Variants in TSPAN9 observed in about 807,000 individuals in gnomAD.
The protein encoded by TSPAN9 is tetraspanin 9.
A neutral mutation model predicts 31.0 loss-of-function variants in TSPAN9; 16 were observed. The observed-to-expected ratio is 0.52, with a 90% CI of 0.35 to 0.78. TSPAN9 has a LOEUF of 0.78. TSPAN9 is among the 30% of genes least tolerant of loss of function. The pLI, the probability that TSPAN9 is intolerant of heterozygous loss-of-function variation, is 0.01. For synonymous variants in TSPAN9, 145 were observed against 121.6 expected (o/e 1.19, Z -1.27); for missense variants, 272 against 312.5 (o/e 0.87, Z 0.98).
chr12:3,117,404 G>T (rs1233580765), intron 2 of TSPAN9, among the ~76,000 whole-genome samples: 1 of 152,190 alleles, frequency 6.6e-6, no homozygotes, highest in Admixed American at 6.5e-5. Flanking sequence ...AACAGAACAA[G>T]GGGAGGGGAG....
intron 2 of TSPAN9, among the ~76,000 whole-genome samples, chr12:3,130,036 A>G (rs10744594): frequency 0.81 from 123,503 of 152,182 alleles, 50,280 homozygotes; most frequent in East Asian, 0.87. Context: ...TGTGTGGGAC[A>G]AACTTGGCAA....
intron 3 of TSPAN9, among the ~76,000 whole-genome samples, chr12:3,219,618 G>A (rs187174877): frequency 6.6e-6 from 1 of 152,138 alleles, no homozygotes; most frequent in African/African-American, 2.4e-5. Context: ...TGAGAATATA[G>A]ATGAGTAGAG....
Position 3,283,180 on chromosome 12 carries a change from G to A in TSPAN9, c.*64G>A, listed in dbSNP as rs1862933316. ...TGTGGAGGGAAGAGGATTGAGCTTTGTGTCACCTGCCTGCGCTCTCCAGAT... is the reference window on the plus strand; with the variant it reads ...TGTGGAGGGAAGAGGATTGAGCTTTATGTCACCTGCCTGCGCTCTCCAGAT... On this transcript the variant is annotated 3_prime_UTR_variant, in exon 9 of 9. Coordinates refer to ENST00000011898, the MANE Select transcript of TSPAN9 (RefSeq NM_006675.5). The A allele has an allele frequency of 3.2e-6, 5 of 1,564,646 alleles. No individual in the cohort carries two copies. Among genetic ancestry groups the A allele is most frequent in the Non-Finnish European group, 4.4e-6 (5 of 1,149,174 alleles).
At chr12:3,127,856 G>T (rs1233529164) in intron 2 of TSPAN9, among the ~76,000 whole-genome samples, 10 of 152,238 alleles carry the variant, frequency 6.6e-5, no homozygotes, top group African/African-American at 1.9e-4. Context: ...GAACTCCTGG[G>T]CTCAAGTGAT....
At chr12:3,142,686 G>A (rs912501679) in intron 2 of TSPAN9, among the ~76,000 whole-genome samples, 5 of 152,256 alleles carry the variant, frequency 3.3e-5, no homozygotes, top group Admixed American at 1.3e-4. Flanking sequence ...CCCTGCCCCC[G>A]GGTGCCTGCG....
intron 1 of TSPAN9, among the ~76,000 whole-genome samples, chr12:3,080,421 C>T (rs555400475): frequency 1.6e-4 from 25 of 152,066 alleles, no homozygotes; most frequent in Non-Finnish European, 2.8e-4. Context: ...CTGCAACCTC[C>T]GCCTCCCGGG....
intron 3 of TSPAN9, among the ~76,000 whole-genome samples, chr12:3,216,852 C>A (rs962913867): frequency 1.3e-5 from 2 of 152,230 alleles, no homozygotes; most frequent in Non-Finnish European, 2.9e-5. Context: ...AGCCTTCAGA[C>A]ACAGATCCCC....
chr12:3,216,321 G>A (rs2153974448), intron 3 of TSPAN9, among the ~76,000 whole-genome samples: 1 of 152,320 alleles, frequency 6.6e-6, no homozygotes, highest in South Asian at 2.1e-4. Context: ...GTGGGAGTAG[G>A]TTTTGGAGGT....
At chr12:3,171,125 C>T (rs1349480853) in intron 2 of TSPAN9, among the ~76,000 whole-genome samples, 3 of 152,166 alleles carry the variant, frequency 2.0e-5, no homozygotes, top group Non-Finnish European at 1.5e-5. Context: ...TGTCCCGACG[C>T]GCGCCGAGAC....
chr12:3,173,266 TGTATGA>T (rs2098353107), intron 2 of TSPAN9: 1 of 152,384 alleles, frequency 6.6e-6, no homozygotes, highest in Admixed American at 6.5e-5. Context: ...CCTCACGAGC[TGTATGA>T]CCACCCGCTA....
intron 2 of TSPAN9, among the ~76,000 whole-genome samples, chr12:3,132,160 G>A (rs1205439003): frequency 6.6e-6 from 1 of 152,132 alleles, no homozygotes. Flanking sequence ...TTGTTTTTCT[G>A]TTCTTCTGTT....
intron 2 of TSPAN9, among the ~76,000 whole-genome samples, chr12:3,138,653 T>C (rs1215613726): frequency 6.6e-6 from 1 of 151,822 alleles, no homozygotes; most frequent in East Asian, 1.9e-4. Flanking sequence ...AAAGGACTTT[T>C]TTTTCCTTTT....
At chr12:3,123,113 C>G (rs1026539434) in intron 2 of TSPAN9, among the ~76,000 whole-genome samples, 11 of 152,164 alleles carry the variant, frequency 7.2e-5, no homozygotes, top group African/African-American at 2.7e-4. Context: ...CTGTTTCCTC[C>G]TGATAGAGTG....
At chr12:3,106,111 T>C (rs2098314561) in intron 2 of TSPAN9, among the ~76,000 whole-genome samples, 1 of 152,244 alleles carries the variant, frequency 6.6e-6, no homozygotes, top group African/African-American at 2.4e-5. Flanking sequence ...CACACATGCC[T>C]GCCCATGCTG....
intron 2 of TSPAN9, among the ~76,000 whole-genome samples, chr12:3,088,965 G>GC (rs1401362188): frequency 1.3e-5 from 2 of 152,054 alleles, no homozygotes; most frequent in Non-Finnish European, 2.9e-5. Context: ...GGGTGTGATG[G>GC]CTCACGCCTG....
chr12:3,243,918 C>T (rs907254789), intron 3 of TSPAN9, among the ~76,000 whole-genome samples: 11 of 152,216 alleles, frequency 7.2e-5, no homozygotes. Flanking sequence ...GGTTCTGCTG[C>T]CTCCACATGC....
rs1347253358 is a variant in TSPAN9, at chr12:3,211,565, A to C, written c.63+10309A>C. On this transcript the variant is annotated intron_variant, in intron 3 of 8. Transcript: ENST00000011898. Reference sequence around the variant, plus strand: ...TTTTGGTTGACCTTTCATTGAATTCATTCATCATCTTAGGGAAAATTGCTG... The same window carrying C: ...TTTTGGTTGACCTTTCATTGAATTCCTTCATCATCTTAGGGAAAATTGCTG... The C allele has an allele frequency of 1.1e-5, 11 of 993,626 alleles. No homozygotes were observed. The Admixed American group carries it at 2.9e-4, about 26-fold the overall frequency. The allele number at this position is 993,626 out of a possible 1,614,324, so 61.6% of individuals were successfully genotyped here. A position where few individuals can be genotyped will look rare whatever the true frequency, so the allele number is the denominator to read the frequency against.
At chr12:3,154,075 G>A (rs1461701219) in intron 2 of TSPAN9, among the ~76,000 whole-genome samples, 1 of 151,124 alleles carries the variant, frequency 6.6e-6, no homozygotes, top group Non-Finnish European at 1.5e-5. Context: ...TCTCTGTCTA[G>A]CTGTCTGCTC....
intron 3 of TSPAN9, among the ~76,000 whole-genome samples, chr12:3,267,976 A>G (rs887983338): frequency 3.9e-5 from 6 of 152,154 alleles, no homozygotes; most frequent in Non-Finnish European, 7.3e-5. Context: ...CAAGTTCCAG[A>G]GTTTGGGGAA....
Sources: gnomAD v4.1 joint callset for allele counts (sites outside exome capture counted in the v4.1 genomes callset) on GRCh38, gnomAD v4.1.1 for gene constraint, MANE v1.5 for transcripts, NCBI Gene and HGNC (gene_info 2026-07-23, HGNC 2026-07-21) for gene names.